RAB11FIP3: variants seen among roughly 807,000 people sequenced by gnomAD.
RAB11FIP3 encodes the protein rab11 family-interacting protein 3.
Under a neutral mutation model 77.8 loss-of-function variants are expected in RAB11FIP3, and 17 were observed. That is an observed-to-expected ratio of 0.22 (90% CI 0.15 to 0.33). The LOEUF is 0.33. Among genes scored for constraint, RAB11FIP3 ranks in the 10% least tolerant of loss-of-function variants. The probability of loss-of-function intolerance (pLI) is 1.00; values close to 1 mark genes in which losing one functional copy is unlikely to be tolerated. For synonymous variants in RAB11FIP3, 437 were observed against 448.2 expected, an observed-to-expected ratio of 0.98 and a Z score of 0.31; for missense variants, 1,005 against 1,011.2, an observed-to-expected ratio of 0.99 and a Z score of 0.08.
rs927282330 is a variant in RAB11FIP3 at position 521,091 on chromosome 16, C to T, written c.*252C>T. On this transcript the variant is annotated 3_prime_UTR_variant, in exon 14 of 14. Coordinates refer to ENST00000262305, the MANE Select transcript of RAB11FIP3 (RefSeq NM_014700.4). ...CAGAGGATGAGGGTTGTGGCAGGGC[C>T]GTCCATCAGCGCTGACCTTCCGGGG... is the stretch of plus-strand genomic sequence containing the variant. 1.6e-5 allele frequency: 9 copies of T among 558,940 alleles called. No individual in the cohort carries two copies. The highest frequency in any genetic ancestry group is 1.1e-4 in the African/African-American group (6 of 53,010). The allele number at this position is 558,940 out of a possible 1,614,324, so 34.6% of individuals were successfully genotyped here.
Position 514,260 on chromosome 16 carries a change from C to T in RAB11FIP3, c.1640+3460C>T, listed in dbSNP as rs909517466. Among the ~76,000 whole-genome samples, 5 of 151,756 alleles carry T rather than the reference C, an allele frequency of 3.3e-5. No homozygotes were observed. The East Asian group carries it at 5.8e-4, about 18-fold the overall frequency. On this transcript the variant is annotated intron_variant, in intron 9 of 13. Transcript: ENST00000262305. The surrounding 1 kb of genome is among the most constrained non-coding windows in gnomAD (Gnocchi z 4.6). ...CCTGCAGCCCCAGGTCAGCAACCTG[C>T]GGTCAGCCCAGCACGAGGCCTCTGG... is the stretch of plus-strand genomic sequence containing the variant.
chr16:463,637 C>T lies in RAB11FIP3; in HGVS notation c.808+2140C>T, dbSNP rs545124266. On this transcript the variant is annotated intron_variant, in intron 2 of 13. Transcript: ENST00000262305. ...ATTTTTAGTAGAGACAGGGTTTCTC[C>T]GTTTTGGCCAGGCTGGTCTCGAACT... is the stretch of plus-strand genomic sequence containing the variant. Among the ~76,000 whole-genome samples, 12 of 152,146 alleles carry T rather than the reference C, an allele frequency of 7.9e-5. No homozygotes were observed. The East Asian group carries it at 1.9e-3, about 25-fold the overall frequency.
At chr16:497,320 G>C in intron 6 of RAB11FIP3, 1 of 1,304,210 alleles carries the variant, frequency 7.7e-7, no homozygotes, top group Non-Finnish European at 1.0e-6. Context: ...GCTTCCTGCT[G>C]TGAAAGATGG....
chr16:502,714 T>A lies in RAB11FIP3; in HGVS notation c.1302-290T>A, dbSNP rs552766995. ...GTACAAAGTCCTCTCTGCCACTCGC[T>A]GGCTGGGACTGAGGTCATGTTCTGT... On this transcript the variant is annotated intron_variant, in intron 6 of 13. Transcript: ENST00000262305. The A allele has an allele frequency of 1.0e-5, 5 of 497,200 alleles. No individual in the cohort carries two copies. In the Admixed American group the frequency reaches 2.0e-4, roughly 20 times the overall value. The allele number at this position is 497,200 out of a possible 1,614,324, so 30.8% of individuals were successfully genotyped here. A position where few individuals can be genotyped will look rare whatever the true frequency, so the allele number is the denominator to read the frequency against.
chr16:425,735 T>G lies in RAB11FIP3; in HGVS notation c.-272T>G, dbSNP rs2054926673. ...CGTCCCCCGGCCTCCTCGGCCCCCG[T>G]CCCCCGCCATCCGCCGCCCGGATCC... On this transcript the variant is annotated 5_prime_UTR_variant, in exon 1 of 14. Transcript: ENST00000262305. 6.4e-6 allele frequency: 2 copies of G among 314,092 alleles called. No individual in the cohort carries two copies. The highest frequency in any genetic ancestry group is 1.2e-5 in the Non-Finnish European group (2 of 171,980). 19.5% of individuals were successfully genotyped at this position (314,092 alleles called of 1,614,324 possible).
chr16:490,009 G>A (rs1448288109), intron 5 of RAB11FIP3, among the ~76,000 whole-genome samples: 2 of 152,216 alleles, frequency 1.3e-5, no homozygotes, highest in Admixed American at 6.5e-5. Flanking sequence ...GTGGTGTCAA[G>A]ACAAGGGCCA....
Position 426,739 on chromosome 16 carries a change from CG to C in RAB11FIP3, c.714+23del, listed in dbSNP as rs2054952834. On this transcript the variant is annotated intron_variant, in intron 1 of 13. Transcript: ENST00000262305. This position sits in a 1 kb window ranked among gnomAD's most constrained non-coding sequence, Gnocchi z 5.0. Reference sequence around the variant, plus strand: ...AGAGCAGGTACGGAGCGGCCCGGGCCGGGGCGTGGGAACTGGGCAGGTGCGC... The same window carrying C: ...AGAGCAGGTACGGAGCGGCCCGGGCCGGGCGTGGGAACTGGGCAGGTGCGC... 1 of 1,464,210 alleles carries C rather than the reference CG, an allele frequency of 6.8e-7. No individual in the cohort carries two copies. Among genetic ancestry groups the C allele is most frequent in the African/African-American group, 1.5e-5 (1 of 68,066 alleles). 90.7% of individuals were successfully genotyped at this position (1,464,210 alleles called of 1,614,324 possible).
rs1200377897 is a variant in RAB11FIP3, at chr16:520,742, A to C, written c.2174A>C (p.Gln725Pro). Residue 725 changes from glutamine to proline, a missense_variant, in exon 14 of 14, where the codon CAG becomes CCG. Physicochemically the swap from Gln to Pro is moderately conservative, Grantham distance 76 (BLOSUM62 -1). Coordinates refer to ENST00000262305, the MANE Select transcript of RAB11FIP3 (RefSeq NM_014700.4). ...VSRDELMEAI[Q>P]KQEEINFRLQ... Reference sequence around the variant, plus strand: ...GCCCTACAGCTCATGGAGGCGATTCAGAAGCAGGAGGAGATCAACTTCCGC... The same window carrying C: ...GCCCTACAGCTCATGGAGGCGATTCCGAAGCAGGAGGAGATCAACTTCCGC... 4 of 1,613,590 alleles carry C rather than the reference A, an allele frequency of 2.5e-6. No individual in the cohort carries two copies. The highest frequency in any genetic ancestry group is 3.4e-6 in the Non-Finnish European group (4 of 1,180,006).
At chr16:449,347 C>G (rs1363012506) in intron 1 of RAB11FIP3, among the ~76,000 whole-genome samples, 1 of 152,132 alleles carries the variant, frequency 6.6e-6, no homozygotes, top group East Asian at 1.9e-4. Flanking sequence ...GAACTGAGGA[C>G]CCTGTTTGCT....
chr16:482,641 G>C lies in RAB11FIP3; in HGVS notation c.1020G>C (p.Gly340=). The part of the protein sequence containing the change: ...TLVHPELQPE[G]DADSAGGSAV... Reference sequence around the variant, plus strand: ...TGCACCCTGAGCTGCAACCTGAAGGGGACGCAGACAGTGCCGGCGGCTCGG... The same window carrying C: ...TGCACCCTGAGCTGCAACCTGAAGGCGACGCAGACAGTGCCGGCGGCTCGG... Residue 340 remains glycine, a synonymous_variant, in exon 4 of 14, where the codon GGG becomes GGC. Coordinates refer to ENST00000262305, the MANE Select transcript of RAB11FIP3 (RefSeq NM_014700.4). The C allele has an allele frequency of 6.2e-7, 1 of 1,613,428 alleles. No individual in the cohort carries two copies. Among genetic ancestry groups the C allele is most frequent in the Non-Finnish European group, 8.5e-7 (1 of 1,180,046 alleles).
chr16:519,725 G>A (rs778163060), intron 10 of RAB11FIP3, 29 bp from the exon 11 acceptor site: 115 of 1,607,200 alleles, frequency 7.2e-5, no homozygotes, highest in Admixed American at 5.0e-4. Flanking sequence ...TGCGTGACCC[G>A]CATCCAGGGC....
At chr16:430,568 G>A (rs1277725723) in intron 1 of RAB11FIP3, among the ~76,000 whole-genome samples, 1 of 152,072 alleles carries the variant, frequency 6.6e-6, no homozygotes, top group Non-Finnish European at 1.5e-5. Flanking sequence ...TTGTTCGTTT[G>A]TTTTGAGACA....
intron 5 of RAB11FIP3, among the ~76,000 whole-genome samples, chr16:489,428 C>T (rs1196624660): frequency 6.6e-6 from 1 of 152,226 alleles, no homozygotes; most frequent in Admixed American, 6.5e-5. Flanking sequence ...AATAGAAGCA[C>T]AACACGCAGT....
Position 484,382 on chromosome 16 carries a change from C to T in RAB11FIP3, c.1115+1646C>T, listed in dbSNP as rs1472653514. The stretch of plus-strand genomic sequence containing the variant: ...TTTTTTTTTTTTTGAGACGGAGTCT[C>T]GCTCTGTCGCCCAGGCTGGAGTGCA... On this transcript the variant is annotated intron_variant, in intron 4 of 13. Coordinates refer to ENST00000262305, the MANE Select transcript of RAB11FIP3 (RefSeq NM_014700.4). Among the ~76,000 whole-genome samples, 3 of 151,492 alleles carry T rather than the reference C, an allele frequency of 2.0e-5. No individual in the cohort carries two copies. The East Asian group carries it at 5.8e-4, about 29-fold the overall frequency.
At chr16:512,018 A>T (rs1269146529) in intron 9 of RAB11FIP3, among the ~76,000 whole-genome samples, 1 of 144,888 alleles carries the variant, frequency 6.9e-6, no homozygotes, top group Non-Finnish European at 1.5e-5. Flanking sequence ...CAGGCAGGAG[A>T]GGTTCCGACA....
intron 9 of RAB11FIP3, among the ~76,000 whole-genome samples, chr16:516,703 C>T (rs527240039): frequency 6.6e-6 from 1 of 151,144 alleles, no homozygotes; most frequent in African/African-American, 2.4e-5. Flanking sequence ...ATGGTGAAAC[C>T]CTGTCTCTAC....
intron 1 of RAB11FIP3, among the ~76,000 whole-genome samples, chr16:437,496 G>A (rs1254872516): frequency 1.3e-5 from 2 of 151,260 alleles, no homozygotes; most frequent in East Asian, 3.9e-4. Flanking sequence ...CTTGAACCTG[G>A]GAGGCGGAGG....
In RAB11FIP3 at chr16:487,352, G is replaced by C. The variant is rs568305606; in HGVS notation, c.1116-1499G>C. On this transcript the variant is annotated intron_variant, in intron 4 of 13. Coordinates refer to ENST00000262305, the MANE Select transcript of RAB11FIP3 (RefSeq NM_014700.4). ...TCACCGTGTTAGCCAGGATGGTCTC[G>C]ATCTCCTGATCTGCCCGCCTCGGCC... Among the ~76,000 whole-genome samples, 59 of 152,174 alleles carry C rather than the reference G, an allele frequency of 3.9e-4. 1 individual carries two copies. The highest frequency in any genetic ancestry group is 1.3e-3 in the African/African-American group (54 of 41,528).
chr16:490,492 A>G (rs2141776367), intron 5 of RAB11FIP3, among the ~76,000 whole-genome samples: 1 of 152,282 alleles, frequency 6.6e-6, no homozygotes, highest in Non-Finnish European at 1.5e-5. Context: ...GGTATGAGCT[A>G]CTACGCCGGG....
Sources: gnomAD v4.1 joint callset for allele counts (sites outside exome capture counted in the v4.1 genomes callset) on GRCh38, gnomAD v4.1.1 for gene constraint, Gnocchi (gnomAD v3.1) non-coding constraint, MANE v1.5 for transcripts, NCBI Gene and HGNC (gene_info 2026-07-23, HGNC 2026-07-21) for gene names.